Variants in ATP2A2 observed in about 807,000 individuals in gnomAD.
The protein encoded by ATP2A2 is sarcoplasmic/endoplasmic reticulum calcium ATPase 2.
A neutral mutation model predicts 109.3 loss-of-function variants in ATP2A2; 14 were observed. The ratio of observed to expected loss-of-function variants is 0.13; its 90% CI spans 0.08 to 0.20. The LOEUF (loss-of-function observed/expected upper bound fraction) is 0.20, where lower values mean the gene tolerates loss of function less well. ATP2A2 is among the 10% of genes least tolerant of loss of function. ATP2A2 has a pLI of 1.00. For missense variants in ATP2A2, 657 were observed against 1,321.6 expected, an observed-to-expected ratio of 0.50 and a Z score of 7.80; for synonymous variants, 506 against 490.9, an observed-to-expected ratio of 1.03 and a Z score of -0.41.
At chr12:110,306,447 A>G (rs1875340173) in intron 5 of ATP2A2, among the ~76,000 whole-genome samples, 1 of 152,154 alleles carries the variant, frequency 6.6e-6, no homozygotes, top group African/African-American at 2.4e-5. Flanking sequence ...TGATCCTGTC[A>G]TCCAGATGAT....
rs925264765 is a variant in ATP2A2, at chr12:110,348,168, T to C, written c.*1698T>C. The C allele has an allele frequency of 1.5e-5, 15 of 985,234 alleles. No individual in the cohort carries two copies. The Admixed American group carries it at 4.3e-4, about 28-fold the overall frequency. The allele number at this position is 985,234 out of a possible 1,614,324, so 61.0% of individuals were successfully genotyped here. A position where few individuals can be genotyped will look rare whatever the true frequency, so the allele number is the denominator to read the frequency against. ...AGTCATCCCAGAACATTGCTACTTATTTATTAAAAAGCTAAAAACTAGTGA... is the reference window on the plus strand; with the variant it reads ...AGTCATCCCAGAACATTGCTACTTACTTATTAAAAAGCTAAAAACTAGTGA... On this transcript the variant is annotated 3_prime_UTR_variant, in exon 20 of 20. Coordinates refer to ENST00000539276, the MANE Select transcript of ATP2A2 (RefSeq NM_170665.4).
chr12:110,320,955 G>T (rs1361408672), intron 5 of ATP2A2, among the ~76,000 whole-genome samples: 2 of 152,228 alleles, frequency 1.3e-5, no homozygotes, highest in Non-Finnish European at 2.9e-5. Flanking sequence ...TTGGCTGGGT[G>T]CAGTGGCTCA....
chr12:110,311,094 C>CT (rs975875376), intron 5 of ATP2A2, among the ~76,000 whole-genome samples: 14 of 152,132 alleles, frequency 9.2e-5, no homozygotes, highest in African/African-American at 1.4e-4. Flanking sequence ...TCCATGTGGA[C>CT]TTTTTTTTGC....
intron 5 of ATP2A2, among the ~76,000 whole-genome samples, chr12:110,312,394 A>T (rs1876177029): frequency 6.6e-6 from 1 of 152,162 alleles, no homozygotes; most frequent in African/African-American, 2.4e-5. Context: ...TCTAGAGCAG[A>T]TCTTAATCAT....
rs377335226 is a variant in ATP2A2, at chr12:110,326,209, G to A, written c.545-181G>A. On this transcript the variant is annotated intron_variant, in intron 6 of 19. Transcript: ENST00000539276. ...TTTTATCCTGACACCCTTTGTTCTG[G>A]TATTAATTTCCATTACTAAGTTTTC... 142 of 636,982 alleles carry A rather than the reference G, an allele frequency of 2.2e-4. No individual in the cohort carries two copies. The South Asian group carries it at 2.4e-3, about 11-fold the overall frequency. 39.5% of individuals were successfully genotyped at this position (636,982 alleles called of 1,614,324 possible).
chr12:110,302,333 A>G (rs1320248625), intron 5 of ATP2A2, among the ~76,000 whole-genome samples: 1 of 152,000 alleles, frequency 6.6e-6, no homozygotes, highest in South Asian at 2.1e-4. Context: ...TCAAAAGACA[A>G]TGAATTTAAT....
Position 110,281,834 on chromosome 12 carries a change from C to T in ATP2A2, c.45C>T (p.His15=). The T allele has an allele frequency of 3.2e-6, 5 of 1,563,178 alleles. No homozygotes were observed. Among genetic ancestry groups the T allele is most frequent in the South Asian group, 2.4e-5 (2 of 84,120 alleles). Reference sequence around the variant, plus strand: ...AGACGGTGGAGGAGGTGCTGGGCCACTTCGGCGTCAACGAGAGTACGGGGC... The same window carrying T: ...AGACGGTGGAGGAGGTGCTGGGCCATTTCGGCGTCAACGAGAGTACGGGGC... ...HTKTVEEVLG[H]FGVNESTGLS... The change falls in exon 1 of 20, where the codon CAC becomes CAT. Residue 15 remains histidine (H), a synonymous_variant. Transcript: ENST00000539276.
In ATP2A2 at chr12:110,349,643, G is replaced by A; in HGVS notation, c.*3173G>A. ...ACTGAGGTGGGCAGACCTAAGACCT[G>A]AGACCACAAGATTAGCTCAGTGTCT... On this transcript the variant is annotated 3_prime_UTR_variant, in exon 20 of 20. Coordinates refer to ENST00000539276, the MANE Select transcript of ATP2A2 (RefSeq NM_170665.4). The A allele has an allele frequency of 2.0e-6, 2 of 987,424 alleles. No individual in the cohort carries two copies. Among genetic ancestry groups the A allele is most frequent in the Non-Finnish European group, 2.4e-6 (2 of 831,138 alleles). 61.2% of individuals were successfully genotyped at this position (987,424 alleles called of 1,614,324 possible).
At chr12:110,324,058 G>A (rs1031037526) in intron 6 of ATP2A2, among the ~76,000 whole-genome samples, 2 of 152,114 alleles carry the variant, frequency 1.3e-5, no homozygotes, top group Admixed American at 1.3e-4. Context: ...ACATTTTCCC[G>A]TTTTTGTGTG....
At chr12:110,283,552 T>A (rs1167395349) in intron 3 of ATP2A2, among the ~76,000 whole-genome samples, 1 of 152,186 alleles carries the variant, frequency 6.6e-6, no homozygotes, top group African/African-American at 2.4e-5. Context: ...GTTTTTAACT[T>A]TTTTTTAAAT....
Position 110,344,872 on chromosome 12 carries a change from G to C in ATP2A2, c.2522-14G>C, listed in dbSNP as rs1240191785. The C allele has an allele frequency of 5.0e-6, 8 of 1,614,084 alleles. No homozygotes were observed. On this transcript the variant is annotated splice_polypyrimidine_tract_variant and intron_variant, in intron 16 of 19. Coordinates refer to ENST00000539276, the MANE Select transcript of ATP2A2 (RefSeq NM_170665.4). ...CAGAGGCAAGTGCATCAGCATCACT[G>C]TGTTTGTTCCCAGGTTACGTCGGCG...
chr12:110,325,549 G>C (rs11065627), intron 6 of ATP2A2, among the ~76,000 whole-genome samples: 8,218 of 151,770 alleles, frequency 0.054, 313 homozygotes, highest in African/African-American at 0.11. Flanking sequence ...CTGGAAAATT[G>C]CCCGGGAGGC....
At chr12:110,312,571 C>T (rs1287505357) in intron 5 of ATP2A2, among the ~76,000 whole-genome samples, 5 of 152,126 alleles carry the variant, frequency 3.3e-5, no homozygotes, top group South Asian at 2.1e-4. Flanking sequence ...AAGTACAGGC[C>T]GGGCATGGTG....
intron 6 of ATP2A2, among the ~76,000 whole-genome samples, chr12:110,325,446 C>G (rs1202339451): frequency 6.6e-6 from 1 of 151,784 alleles, no homozygotes; most frequent in Admixed American, 6.6e-5. Flanking sequence ...CCAGCCTTGG[C>G]CAACATAGCA....
intron 16 of ATP2A2, 151 bp downstream of exon 16, chr12:110,343,585 T>C (rs1181593749): frequency 1.1e-6 from 1 of 918,374 alleles, no homozygotes; most frequent in Non-Finnish European, 1.7e-6. Flanking sequence ...CGATGAACTA[T>C]ACATCCAATT....
Position 110,349,157 on chromosome 12 carries a change from C to T in ATP2A2, c.*2687C>T, listed in dbSNP as rs575246423. ...CTGTTTTGAGCAGGGCCACTTGCTC[C>T]ATTTCACTGAAGGCTTTGCTGGGTG... On this transcript the variant is annotated 3_prime_UTR_variant, in exon 20 of 20. Coordinates refer to ENST00000539276, the MANE Select transcript of ATP2A2 (RefSeq NM_170665.4). 2 of 985,514 alleles carry T rather than the reference C, an allele frequency of 2.0e-6. No individual in the cohort carries two copies. Among genetic ancestry groups the T allele is most frequent in the Admixed American group, 6.1e-5 (1 of 16,284 alleles). 61.0% of individuals were successfully genotyped at this position (985,514 alleles called of 1,614,324 possible).
intron 5 of ATP2A2, among the ~76,000 whole-genome samples, chr12:110,306,403 A>G (rs936080609): frequency 1.3e-5 from 2 of 152,114 alleles, no homozygotes; most frequent in Non-Finnish European, 2.9e-5. Flanking sequence ...TGTTATGTGG[A>G]TTTAATGTGT....
rs550883003 is a variant in ATP2A2 at position 110,350,251 on chromosome 12, T to C, written c.*3781T>C. 2 of 1,614,122 alleles carry C rather than the reference T, an allele frequency of 1.2e-6. No individual in the cohort carries two copies. Among genetic ancestry groups the C allele is most frequent in the East Asian group, 2.2e-5 (1 of 44,886 alleles). On this transcript the variant is annotated 3_prime_UTR_variant, in exon 20 of 20. Transcript: ENST00000539276. ...AATAGGTATTCTAACGTTTCCTCTCTGTATTTCATGAAGCTGATTTCCTCT... is the reference window on the plus strand; with the variant it reads ...AATAGGTATTCTAACGTTTCCTCTCCGTATTTCATGAAGCTGATTTCCTCT...
intron 4 of ATP2A2, among the ~76,000 whole-genome samples, chr12:110,295,514 C>T (rs907430204): frequency 6.6e-6 from 1 of 152,156 alleles, no homozygotes; most frequent in South Asian, 2.1e-4. Context: ...ATTTGTTTAA[C>T]CTTGAGCAGT....
Sources: allele counts gnomAD v4.1 joint callset (sites outside exome capture counted in the v4.1 genomes callset), GRCh38; gene constraint gnomAD v4.1.1; transcripts MANE v1.5; gene names NCBI Gene and HGNC (gene_info 2026-07-23, HGNC 2026-07-21).